Variants in MYO16 observed in about 807,000 individuals in gnomAD.
MYO16 encodes myosin XVI, also known as unconventional myosin-XVI.
A neutral mutation model predicts 205.3 loss-of-function variants in MYO16; 94 were observed. The ratio of observed to expected loss-of-function variants is 0.46; its 90% CI spans 0.39 to 0.54. The LOEUF (loss-of-function observed/expected upper bound fraction) is 0.54. Ranked by LOEUF, MYO16 falls within the 20% of genes least tolerant of loss-of-function variation. MYO16 has a pLI of 0.00. For missense variants in MYO16, 2,315 were observed against 2,387.5 expected (o/e 0.97, Z 0.63); for synonymous variants, 988 against 954.0 (o/e 1.04, Z -0.66).
chr13:109,183,711 A>G (rs1458104187), intron 34 of MYO16, among the ~76,000 whole-genome samples: 1 of 152,218 alleles, frequency 6.6e-6, no homozygotes, highest in Non-Finnish European at 1.5e-5. Flanking sequence ...TTGTTTTTGT[A>G]AAGAACATAA....
chr13:109,133,879 A>G (rs1876652259), intron 31 of MYO16, among the ~76,000 whole-genome samples: 1 of 152,208 alleles, frequency 6.6e-6, no homozygotes, highest in Admixed American at 6.5e-5. Context: ...TTAATTTGTT[A>G]ACTGTGGTTT....
At chr13:108,771,346 T>A (rs1885957606) in intron 4 of MYO16, among the ~76,000 whole-genome samples, 1 of 152,154 alleles carries the variant, frequency 6.6e-6, no homozygotes, top group Non-Finnish European at 1.5e-5. Context: ...TTATTTAGAC[T>A]TTTTTTAGAG....
At position 108,849,619 on chromosome 13, in the gene MYO16, T is replaced by TTG. The variant is rs60404877; in HGVS notation, c.1248+5172_1248+5173dup. Among the ~76,000 whole-genome samples the TTG allele has an allele frequency of 7.5e-3, 629 of 83,872 alleles. 13 individuals are homozygous for TTG. The highest frequency in any genetic ancestry group is 0.025 in the African/African-American group (492 of 19,884). 55.0% of individuals were successfully genotyped at this position (83,872 alleles called of 152,430 possible). On this transcript the variant is annotated intron_variant, in intron 10 of 34. Transcript: ENST00000457511. Reference sequence around the variant, plus strand: ...TCCAAATCCTGTTGAATTTCCTCTTTTGTGTGTGTGTGTGTGTGTGTGTGT... The same window carrying TTG: ...TCCAAATCCTGTTGAATTTCCTCTTTTGTGTGTGTGTGTGTGTGTGTGTGTGT...
At chr13:108,547,011 C>G in the MYO16 span, among the ~76,000 whole-genome samples, 489 of 152,040 alleles carry the variant, frequency 3.2e-3, 5 homozygotes, top group African/African-American at 0.011. Context: ...GGTGGCTCAC[C>G]CCTGTAATCC....
chr13:108,765,279 T>G (rs1203145513), intron 4 of MYO16, among the ~76,000 whole-genome samples: 1 of 151,586 alleles, frequency 6.6e-6, no homozygotes, highest in Non-Finnish European at 1.5e-5. Flanking sequence ...AATTAATAAT[T>G]TTTCACTACT....
chr13:109,045,342 C>T lies in MYO16; in HGVS notation c.2797-1574C>T, dbSNP rs74119809. ...GTGACAGGAAAAATGTCTCCAGAAA[C>T]GACCAAGTGTCCCCTGGAGGCTATG... On this transcript the variant is annotated intron_variant, in intron 23 of 34. Coordinates refer to ENST00000457511, the MANE Select transcript of MYO16 (RefSeq NM_001198950.3). Among the ~76,000 whole-genome samples, 755 of 152,294 alleles carry T rather than the reference C, an allele frequency of 5.0e-3. 6 individuals carry two copies. The highest frequency in any genetic ancestry group is 0.017 in the African/African-American group (714 of 41,552).
chr13:108,849,753 A>C (rs1248213497), intron 10 of MYO16, among the ~76,000 whole-genome samples: 2 of 138,912 alleles, frequency 1.4e-5, no homozygotes, highest in Admixed American at 1.5e-4. Flanking sequence ...TAACTCATCC[A>C]TACTGGGTTA....
At chr13:109,074,983 G>T (rs927282148) in intron 27 of MYO16, among the ~76,000 whole-genome samples, 1 of 152,054 alleles carries the variant, frequency 6.6e-6, no homozygotes. Flanking sequence ...GTTTACTCTT[G>T]CGTCTGGTTT....
chr13:109,096,453 C>T (rs374529049), intron 27 of MYO16, among the ~76,000 whole-genome samples: 11 of 152,074 alleles, frequency 7.2e-5, no homozygotes, highest in East Asian at 5.8e-4. Flanking sequence ...TTATCTTTGG[C>T]GGGGGGACAC....
In MYO16 at chr13:108,808,493, A is replaced by G. The variant is rs181595730; in HGVS notation, c.867+1689A>G. The stretch of plus-strand genomic sequence containing the variant: ...CGCCTGGCTAATTTTTTCTATTTTT[A>G]GTGGAGACAGGGTTTCGCTATGTTG... On this transcript the variant is annotated intron_variant, in intron 7 of 34. Transcript: ENST00000457511. Among the ~76,000 whole-genome samples the G allele has an allele frequency of 3.0e-3, 460 of 151,910 alleles. 3 individuals are homozygous for G. The highest frequency in any genetic ancestry group is 5.2e-3 in the Non-Finnish European group (350 of 67,932).
chr13:108,822,104 G>A (rs1876006077), intron 8 of MYO16, among the ~76,000 whole-genome samples: 1 of 152,070 alleles, frequency 6.6e-6, no homozygotes, highest in Non-Finnish European at 1.5e-5. Flanking sequence ...CTATAACTGA[G>A]CAAATGAAAG....
chr13:108,560,380 G>A, the MYO16 span, among the ~76,000 whole-genome samples: 1 of 152,190 alleles, frequency 6.6e-6, no homozygotes, highest in South Asian at 2.1e-4. Flanking sequence ...GTTGTACACA[G>A]GGATACGCTC....
chr13:109,047,129 A>G, intron 24 of MYO16, 138 bp downstream of exon 24: 1 of 639,496 alleles, frequency 1.6e-6, no homozygotes, highest in Non-Finnish European at 2.7e-6. Flanking sequence ...TAATGCCCAG[A>G]CTAATGAGAA....
At chr13:108,948,182 C>T (rs1883006012) in intron 16 of MYO16, among the ~76,000 whole-genome samples, 2 of 152,204 alleles carry the variant, frequency 1.3e-5, no homozygotes, top group Non-Finnish European at 2.9e-5. Flanking sequence ...ACTTGGCCAT[C>T]GTCATTAGCA....
chr13:109,015,209 A>G (rs546298335), intron 22 of MYO16, among the ~76,000 whole-genome samples: 1 of 152,288 alleles, frequency 6.6e-6, no homozygotes, highest in South Asian at 2.1e-4. Flanking sequence ...TTCTGCATCT[A>G]TTGAGATAAT....
intron 14 of MYO16, among the ~76,000 whole-genome samples, chr13:108,895,252 A>C (rs1880359127): frequency 6.6e-6 from 1 of 152,162 alleles, no homozygotes; most frequent in Non-Finnish European, 1.5e-5. Flanking sequence ...ATATTGAGGA[A>C]AATATATATA....
chr13:108,771,253 GGA>G (rs1309436398), intron 4 of MYO16, among the ~76,000 whole-genome samples: 3 of 152,018 alleles, frequency 2.0e-5, no homozygotes, highest in African/African-American at 7.2e-5. Context: ...AATTTGCTAC[GGA>G]GAGAGAAAAA....
Position 109,127,607 on chromosome 13 carries a change from C to A in MYO16, c.4051+57C>A, listed in dbSNP as rs770206757. ...TCCGGGCTCGCGCATGCTCTGACTT[C>A]GCCTTGGGGCGCCCATGGCAGTACT... On this transcript the variant is annotated intron_variant, in intron 31 of 34. Coordinates refer to ENST00000457511, the MANE Select transcript of MYO16 (RefSeq NM_001198950.3). This position sits in a 1 kb window ranked among gnomAD's most constrained non-coding sequence, Gnocchi z 4.2. 1.3e-6 allele frequency: 2 copies of A among 1,559,714 alleles called. No homozygotes were observed. Among genetic ancestry groups the A allele is most frequent in the Admixed American group, 3.6e-5 (2 of 56,220 alleles).
the MYO16 span, among the ~76,000 whole-genome samples, chr13:108,552,978 T>A: frequency 3.4e-5 from 5 of 146,724 alleles, no homozygotes; most frequent in Admixed American, 1.4e-4. Flanking sequence ...CTCTGAAAGG[T>A]CCCAACTCTT....
Sources: gnomAD v4.1 joint callset for allele counts (sites outside exome capture counted in the v4.1 genomes callset) on GRCh38, gnomAD v4.1.1 for gene constraint, Gnocchi (gnomAD v3.1) non-coding constraint, MANE v1.5 for transcripts, NCBI Gene and HGNC (gene_info 2026-07-23, HGNC 2026-07-21) for gene names.